Variants in KIAA0586 observed in about 807,000 individuals in gnomAD.
KIAA0586 encodes the protein protein TALPID3.
Under a neutral mutation model 169.8 loss-of-function variants are expected in KIAA0586, and 144 were observed. The observed-to-expected ratio is 0.85, with a 90% CI of 0.74 to 0.97. KIAA0586 has a LOEUF of 0.97. Ranked by LOEUF, KIAA0586 falls within the 50% of genes least tolerant of loss-of-function variation. The probability of loss-of-function intolerance (pLI) is 0.00; values close to 1 mark genes in which losing one functional copy is unlikely to be tolerated. For missense variants in KIAA0586, 1,854 were observed against 1,823.0 expected (o/e 1.02, Z -0.31); for synonymous variants, 625 against 612.4 (o/e 1.02, Z -0.30).
chr14:58,430,624 A>C (rs1258838049), intron 2 of KIAA0586, 24 bp from the exon 3 acceptor site: 2 of 1,475,614 alleles, frequency 1.4e-6, no homozygotes, highest in African/African-American at 2.8e-5. Context: ...TATTTAGCCT[A>C]TTTCTTCCTT....
At chr14:58,560,346 A>G in the KIAA0586 span, among the ~76,000 whole-genome samples, 1 of 152,190 alleles carries the variant, frequency 6.6e-6, no homozygotes, top group Non-Finnish European at 1.5e-5. Flanking sequence ...GATCATTCAC[A>G]TGGTAAAATT....
intron 9 of KIAA0586, among the ~76,000 whole-genome samples, chr14:58,455,708 G>A (rs1719306781): frequency 6.6e-6 from 1 of 152,120 alleles, no homozygotes; most frequent in South Asian, 2.1e-4. Context: ...GTGTGTGCGA[G>A]TGCATGCACA....
At chr14:58,509,932 T>C (rs1482182902) in intron 28 of KIAA0586, among the ~76,000 whole-genome samples, 1 of 152,056 alleles carries the variant, frequency 6.6e-6, no homozygotes, top group Non-Finnish European at 1.5e-5. Context: ...AAATCACTTA[T>C]CTTATCAAAG....
intron 29 of KIAA0586, among the ~76,000 whole-genome samples, chr14:58,524,491 G>A (rs759963124): frequency 6.6e-6 from 1 of 152,146 alleles, no homozygotes; most frequent in Non-Finnish European, 1.5e-5. Flanking sequence ...ACTAGTACCC[G>A]TGGTTATTCG....
At chr14:58,486,597 T>TA (rs900196466) in intron 21 of KIAA0586, among the ~76,000 whole-genome samples, 86 of 151,856 alleles carry the variant, frequency 5.7e-4, no homozygotes, top group Admixed American at 2.1e-3. Flanking sequence ...TATTAAAAAG[T>TA]AAAAAAAAGA....
chr14:58,500,724 A>AC (rs1317680416), intron 27 of KIAA0586, among the ~76,000 whole-genome samples: 3 of 150,860 alleles, frequency 2.0e-5, no homozygotes, highest in Non-Finnish European at 4.4e-5. Context: ...TCTGCCTCAA[A>AC]AAAAAAAAAA....
intron 12 of KIAA0586, 108 bp from the exon 13 acceptor site, chr14:58,459,735 G>A: frequency 1.7e-6 from 1 of 598,816 alleles, no homozygotes; most frequent in East Asian, 3.0e-5. Flanking sequence ...ATTTAAAACT[G>A]CTAAACTGTA....
intron 6 of KIAA0586, among the ~76,000 whole-genome samples, chr14:58,447,667 GACGGGGTTTC>G (rs1275220617): frequency 6.6e-6 from 1 of 151,886 alleles, no homozygotes; most frequent in Non-Finnish European, 1.5e-5. Flanking sequence ...TTTTAGGAGA[GACGGGGTTTC>G]ACCATGTTGG....
Position 58,461,071 on chromosome 14 carries a change from G to A in KIAA0586, c.1970G>A (p.Ser657Asn), listed in dbSNP as rs1213881099. 5.0e-6 allele frequency: 8 copies of A among 1,611,670 alleles called. No homozygotes were observed. The Admixed American group carries it at 1.0e-4, about 20-fold the overall frequency. Residue 657 changes from serine to asparagine, a missense_variant, in exon 14 of 31, where the codon AGC becomes AAC. Transcript: ENST00000652326. ...YGKPVYQGHR[S>N]TLKKGPYLRF... Reference sequence around the variant, plus strand: ...AAGCCAGTTTATCAGGGCCATCGAAGCACTCTTAAAAAAGGACCATATCTC... The same window carrying A: ...AAGCCAGTTTATCAGGGCCATCGAAACACTCTTAAAAAAGGACCATATCTC...
intron 3 of KIAA0586, among the ~76,000 whole-genome samples, chr14:58,431,463 C>T (rs1350274851): frequency 1.3e-5 from 2 of 152,082 alleles, no homozygotes; most frequent in African/African-American, 2.4e-5. Flanking sequence ...GACAGGGTTT[C>T]ACCATCTTGA....
At chr14:58,516,426 T>C (rs1438806714) in intron 29 of KIAA0586, among the ~76,000 whole-genome samples, 7 of 152,142 alleles carry the variant, frequency 4.6e-5, no homozygotes, top group Non-Finnish European at 1.5e-5. Flanking sequence ...AAGAATCCAC[T>C]CCTGGCGGAG....
intron 27 of KIAA0586, among the ~76,000 whole-genome samples, chr14:58,503,555 C>T (rs1407727742): frequency 6.6e-6 from 1 of 152,100 alleles, no homozygotes; most frequent in Non-Finnish European, 1.5e-5. Flanking sequence ...AGGCCCTGTT[C>T]ACAATGATTT....
chr14:58,500,223 A>G (rs1233868004), intron 27 of KIAA0586, among the ~76,000 whole-genome samples: 2 of 152,220 alleles, frequency 1.3e-5, no homozygotes, highest in East Asian at 1.9e-4. Flanking sequence ...ATTTTTATCA[A>G]CTGATCAATA....
chr14:58,499,487 C>T (rs1459144501), intron 27 of KIAA0586, among the ~76,000 whole-genome samples: 2 of 151,940 alleles, frequency 1.3e-5, no homozygotes. Flanking sequence ...CTCCTGACCT[C>T]GTGATCCGCC....
At chr14:58,511,566 C>T (rs1027968387) in intron 28 of KIAA0586, among the ~76,000 whole-genome samples, 2 of 152,214 alleles carry the variant, frequency 1.3e-5, no homozygotes, top group African/African-American at 4.8e-5. Context: ...AAAGTCTCAG[C>T]AGCCAGAGCC....
intron 5 of KIAA0586, 105 bp from the exon 6 acceptor site, chr14:58,443,849 T>G (rs940385141): frequency 4.3e-6 from 3 of 695,630 alleles, no homozygotes; most frequent in African/African-American, 3.6e-5. Context: ...AGGCTCAAAT[T>G]AGATCACTTA....
intron 18 of KIAA0586, among the ~76,000 whole-genome samples, chr14:58,472,676 G>A (rs1490028513): frequency 6.6e-6 from 1 of 151,176 alleles, no homozygotes; most frequent in Non-Finnish European, 1.5e-5. Context: ...ATAATCCAAA[G>A]GAATATCCCA....
At chr14:58,521,258 C>T (rs1362297574) in intron 29 of KIAA0586, 2 of 1,125,382 alleles carry the variant, frequency 1.8e-6, no homozygotes, top group African/African-American at 1.5e-5. Context: ...CGGATCCTCA[C>T]TCCATGAACT....
At chr14:58,559,864 A>G in the KIAA0586 span, among the ~76,000 whole-genome samples, 3 of 152,160 alleles carry the variant, frequency 2.0e-5, no homozygotes, top group Non-Finnish European at 4.4e-5. Context: ...TAAAATGGAC[A>G]GGCCCCAGCC....
Sources: allele counts gnomAD v4.1 joint callset (sites outside exome capture counted in the v4.1 genomes callset), GRCh38; gene constraint gnomAD v4.1.1; transcripts MANE v1.5; gene names NCBI Gene and HGNC (gene_info 2026-07-23, HGNC 2026-07-21).